BAZ1A: variants seen among roughly 807,000 people sequenced by gnomAD.
BAZ1A encodes the protein bromodomain adjacent to zinc finger domain protein 1A.
BAZ1A carries 50 observed loss-of-function variants against 185.2 expected under a neutral mutation model. The ratio of observed to expected loss-of-function variants is 0.27; its 90% CI spans 0.22 to 0.34. The LOEUF (loss-of-function observed/expected upper bound fraction) is 0.34, where lower values mean the gene tolerates loss of function less well. Among genes scored for constraint, BAZ1A ranks in the 10% least tolerant of loss-of-function variants. The probability of loss-of-function intolerance (pLI) is 1.00; values close to 1 mark genes in which losing one functional copy is unlikely to be tolerated. For missense variants in BAZ1A, 1,356 were observed against 1,839.9 expected (o/e 0.74, Z 4.81); for synonymous variants, 571 against 615.6 (o/e 0.93, Z 1.07).
chr14:34,869,509 T>C (rs906021452), intron 2 of BAZ1A, among the ~76,000 whole-genome samples: 1 of 150,358 alleles, frequency 6.7e-6, no homozygotes, highest in African/African-American at 2.4e-5. Context: ...ACAACAGAAA[T>C]TCTAGGAAGA....
chr14:34,777,931 C>T (rs1879757627), intron 17 of BAZ1A, among the ~76,000 whole-genome samples: 1 of 109,948 alleles, frequency 9.1e-6, no homozygotes, highest in Non-Finnish European at 2.0e-5. Context: ...GTGGAAGTTG[C>T]AGTGAGCCGA....
intron 3 of BAZ1A, among the ~76,000 whole-genome samples, chr14:34,839,982 C>T (rs1290249900): frequency 4.6e-5 from 7 of 151,694 alleles, no homozygotes; most frequent in Admixed American, 4.6e-4. Context: ...TTCTATAAAA[C>T]TGATTTTTAA....
chr14:34,799,356 A>G (rs1881379768), intron 9 of BAZ1A, among the ~76,000 whole-genome samples: 1 of 152,144 alleles, frequency 6.6e-6, no homozygotes, highest in Admixed American at 6.5e-5. Flanking sequence ...CACATTGTGC[A>G]CAGGTACCCT....
At chr14:34,758,990 GA>G (rs1188214411) in intron 24 of BAZ1A, 144 bp from the exon 25 acceptor site, 2 of 807,342 alleles carry the variant, frequency 2.5e-6, no homozygotes, top group Non-Finnish European at 3.7e-6. Context: ...TGGGAGATAT[GA>G]AAATTCAACC....
chr14:34,840,755 T>TC lies in BAZ1A; in HGVS notation c.393-14600dup, dbSNP rs1046844149. 3.5e-5 allele frequency among the ~76,000 whole-genome samples: 5 copies of TC among 142,276 alleles called. No individual in the cohort carries two copies. In the East Asian group the frequency reaches 6.0e-4, roughly 17 times the overall value. 93.3% of individuals were successfully genotyped at this position (142,276 alleles called of 152,430 possible). The stretch of plus-strand genomic sequence containing the variant: ...CTGGGCGACAGAGTGAGACTCTGTC[T>TC]CCCCCCCAAAAACAAACAAACAAAC... On this transcript the variant is annotated intron_variant, in intron 3 of 26. Transcript: ENST00000360310.
At chr14:34,806,390 A>G (rs746806870) in intron 6 of BAZ1A, among the ~76,000 whole-genome samples, 10 of 152,054 alleles carry the variant, frequency 6.6e-5, no homozygotes, top group Non-Finnish European at 1.3e-4. Flanking sequence ...AGATTACTTT[A>G]TCACCCAGGT....
intron 2 of BAZ1A, among the ~76,000 whole-genome samples, chr14:34,869,483 A>G (rs972250904): frequency 6.6e-6 from 1 of 152,142 alleles, no homozygotes; most frequent in Non-Finnish European, 1.5e-5. Flanking sequence ...TCAGCTCCTG[A>G]GGGCAAGTGT....
Position 34,765,261 on chromosome 14 carries a change from A to G in BAZ1A, c.3309T>C (p.Ser1103=). The part of the protein sequence containing the change: ...RRFLKAPLDA[S]DSGRSYKTVL... ...CTGTTTTATAAGAACGCCCACTGTC[A>G]CTGGCATCTTAAATGAAAAGGGAAA... Residue 1103 remains serine, a synonymous_variant, in exon 22 of 27, where the codon AGT becomes AGC. Transcript: ENST00000360310. 1 of 1,611,924 alleles carries G rather than the reference A, an allele frequency of 6.2e-7. No homozygotes were observed. The highest frequency in any genetic ancestry group is 8.5e-7 in the Non-Finnish European group (1 of 1,179,042).
chr14:34,802,725 A>G, intron 7 of BAZ1A, 129 bp downstream of exon 7: 1 of 945,654 alleles, frequency 1.1e-6, no homozygotes, highest in Non-Finnish European at 1.5e-6. Flanking sequence ...ACACACTTAC[A>G]TACTTTTTGG....
intron 4 of BAZ1A, among the ~76,000 whole-genome samples, chr14:34,812,630 G>A (rs371663817): frequency 1.3e-5 from 2 of 152,184 alleles, no homozygotes; most frequent in East Asian, 1.9e-4. Flanking sequence ...GAGAGAAGAG[G>A]TAGGATTCTG....
chr14:34,872,913 T>TAAAAAAAAAAAAAA lies in BAZ1A; in HGVS notation c.113+1565_113+1578dup, dbSNP rs35955993. 5.3e-5 allele frequency among the ~76,000 whole-genome samples: 4 copies of TAAAAAAAAAAAAAA among 76,186 alleles called. 1 individual carries two copies. The highest frequency in any genetic ancestry group is 2.1e-4 in the African/African-American group (3 of 14,414). The allele number at this position is 76,186 out of a possible 152,430, so 50.0% of individuals were successfully genotyped here. A position where few individuals can be genotyped will look rare whatever the true frequency, so the allele number is the denominator to read the frequency against. ...AGCAAGGCCTGTAGCTTTAAAATCC[T>TAAAAAAAAAAAAAA]AAAAAAAAAAAAAAAAAAAAAAAAA... On this transcript the variant is annotated intron_variant, in intron 2 of 26. Coordinates refer to ENST00000360310, the MANE Select transcript of BAZ1A (RefSeq NM_013448.3).
chr14:34,822,606 C>A (rs2042104839), intron 4 of BAZ1A, among the ~76,000 whole-genome samples: 1 of 152,092 alleles, frequency 6.6e-6, no homozygotes, highest in Non-Finnish European at 1.5e-5. Flanking sequence ...CAGGGTGAGA[C>A]CCTGTCTCAA....
intron 2 of BAZ1A, among the ~76,000 whole-genome samples, chr14:34,867,280 A>T (rs537685761): frequency 6.6e-6 from 1 of 152,294 alleles, no homozygotes; most frequent in South Asian, 2.1e-4. Flanking sequence ...AGAAAAAAAA[A>T]ATCCAATGTA....
chr14:34,793,683 G>A (rs182394451), intron 11 of BAZ1A, among the ~76,000 whole-genome samples: 7 of 152,300 alleles, frequency 4.6e-5, no homozygotes, highest in Admixed American at 3.9e-4. Flanking sequence ...GGTGGCTCAC[G>A]CCTGTAATCC....
intron 2 of BAZ1A, among the ~76,000 whole-genome samples, chr14:34,872,422 C>T (rs962587364): frequency 7.9e-5 from 12 of 151,954 alleles, no homozygotes; most frequent in African/African-American, 2.9e-4. Flanking sequence ...CACGACGAAA[C>T]CCCGTCTATG....
At chr14:34,852,403 G>A (rs2042611338) in intron 3 of BAZ1A, among the ~76,000 whole-genome samples, 1 of 152,032 alleles carries the variant, frequency 6.6e-6, no homozygotes, top group Non-Finnish European at 1.5e-5. Context: ...CAGATCACAT[G>A]GGGCCAGGAG....
chr14:34,839,499 A>G (rs1265232070), intron 3 of BAZ1A, among the ~76,000 whole-genome samples: 1 of 147,838 alleles, frequency 6.8e-6, no homozygotes, highest in Non-Finnish European at 1.5e-5. Context: ...AGATCACATC[A>G]CTACACTCCA....
intron 4 of BAZ1A, chr14:34,816,918 T>A (rs185443880): frequency 4.7e-4 from 159 of 339,542 alleles, no homozygotes; most frequent in Admixed American, 1.0e-3. Context: ...TACATATAAA[T>A]TTTCTTTAAA....
chr14:34,850,937 G>A (rs1191376551), intron 3 of BAZ1A, among the ~76,000 whole-genome samples: 1 of 152,170 alleles, frequency 6.6e-6, no homozygotes, highest in Non-Finnish European at 1.5e-5. Flanking sequence ...TGGAAATTAT[G>A]CAGAAAAACA....
Sources: gnomAD v4.1 joint callset for allele counts (sites outside exome capture counted in the v4.1 genomes callset) on GRCh38, gnomAD v4.1.1 for gene constraint, MANE v1.5 for transcripts, NCBI Gene and HGNC (gene_info 2026-07-23, HGNC 2026-07-21) for gene names.